The following SNX29 variants were observed in gnomAD, a reference collection of about 807,000 sequenced individuals.
The protein encoded by SNX29 is sorting nexin-29.
SNX29 carries 78 observed loss-of-function variants against 102.1 expected under a neutral mutation model. The ratio of observed to expected loss-of-function variants is 0.76; its 90% CI spans 0.64 to 0.92. The LOEUF (loss-of-function observed/expected upper bound fraction) is 0.92. Ranked by LOEUF, SNX29 falls within the 40% of genes least tolerant of loss-of-function variation. SNX29 has a pLI of 0.00. For synonymous variants in SNX29, 580 were observed against 414.5 expected (o/e 1.40, Z -4.85); for missense variants, 1,280 against 1,061.7 (o/e 1.21, Z -2.86).
At chr16:12,139,980 CAAAAAA>C (rs59169166) in intron 13 of SNX29, among the ~76,000 whole-genome samples, 2 of 88,548 alleles carry the variant, frequency 2.3e-5, no homozygotes, top group Non-Finnish European at 4.5e-5. Context: ...TACCCTGTCT[CAAAAAA>C]AAAAAAAAAA....
At chr16:12,322,764 C>T (rs190557054) in intron 15 of SNX29, among the ~76,000 whole-genome samples, 1 of 151,084 alleles carries the variant, frequency 6.6e-6, no homozygotes, top group Admixed American at 6.6e-5. Flanking sequence ...ACTGGGGGAC[C>T]ACCGTCAGGA....
At chr16:12,551,978 C>G (rs556785713) in intron 20 of SNX29, among the ~76,000 whole-genome samples, 3 of 152,290 alleles carry the variant, frequency 2.0e-5, no homozygotes, top group Non-Finnish European at 2.9e-5. Context: ...CAACACAGTG[C>G]CATGTCAAAG....
intron 18 of SNX29, chr16:12,442,907 C>CT (rs993020881): frequency 3.3e-5 from 14 of 423,038 alleles, no homozygotes; most frequent in African/African-American, 8.3e-5. Context: ...TCAAAAAAAA[C>CT]TTTTTTTTCT....
intron 18 of SNX29, among the ~76,000 whole-genome samples, chr16:12,433,349 G>C (rs1567557899): frequency 2.6e-5 from 4 of 152,136 alleles, no homozygotes; most frequent in African/African-American, 9.7e-5. Context: ...TGTAACGATT[G>C]GCCGGGCGCA....
intron 18 of SNX29, among the ~76,000 whole-genome samples, chr16:12,404,086 G>A (rs571436953): frequency 1.3e-5 from 2 of 152,296 alleles, no homozygotes; most frequent in South Asian, 2.1e-4. Flanking sequence ...GACCACCACT[G>A]TCGCCAGGGT....
At chr16:12,484,653 C>A (rs567450601) in intron 19 of SNX29, among the ~76,000 whole-genome samples, 3 of 152,216 alleles carry the variant, frequency 2.0e-5, no homozygotes, top group Admixed American at 6.5e-5. Context: ...GGGGCCTTTG[C>A]ACCTGTCACA....
intron 19 of SNX29, among the ~76,000 whole-genome samples, chr16:12,522,841 C>G (rs1048001571): frequency 2.0e-5 from 3 of 152,220 alleles, no homozygotes; most frequent in South Asian, 2.1e-4. Flanking sequence ...TAGTCAGGGT[C>G]TAACTGTCTC....
At chr16:12,108,020 TAAG>T (rs1413448473) in intron 11 of SNX29, among the ~76,000 whole-genome samples, 2 of 151,718 alleles carry the variant, frequency 1.3e-5, no homozygotes, top group East Asian at 1.9e-4. Context: ...GCTAGAAAAA[TAAG>T]GAGGGGAAAG....
At chr16:12,109,932 C>T (rs350254) in intron 11 of SNX29, among the ~76,000 whole-genome samples, 102,757 of 151,956 alleles carry the variant, frequency 0.68, 35,829 homozygotes, top group East Asian at 0.91. Context: ...AGTTTCACCA[C>T]GTTGGCCAGG....
At chr16:12,237,400 G>T (rs778733149) in intron 14 of SNX29, among the ~76,000 whole-genome samples, 1 of 152,178 alleles carries the variant, frequency 6.6e-6, no homozygotes, top group Non-Finnish European at 1.5e-5. Flanking sequence ...TGCAATTAAG[G>T]ACATTTCACG....
chr16:12,402,753 A>G (rs1346830805), intron 17 of SNX29, among the ~76,000 whole-genome samples: 2 of 152,222 alleles, frequency 1.3e-5, no homozygotes, highest in Non-Finnish European at 2.9e-5. Context: ...GGTGCTCAGT[A>G]AATTATTTTG....
At chr16:12,163,369 CT>C (rs1383619789) in intron 13 of SNX29, among the ~76,000 whole-genome samples, 1 of 152,024 alleles carries the variant, frequency 6.6e-6, no homozygotes, top group Non-Finnish European at 1.5e-5. Flanking sequence ...TTACGAGAAG[CT>C]TGAGAGGGCC....
chr16:12,108,366 C>T (rs1041697774), intron 11 of SNX29, among the ~76,000 whole-genome samples: 2 of 152,190 alleles, frequency 1.3e-5, no homozygotes, highest in African/African-American at 2.4e-5. Context: ...TGGTGAGTGG[C>T]TTCCATGAGA....
At chr16:12,559,226 C>T (rs918039606) in intron 20 of SNX29, among the ~76,000 whole-genome samples, 11 of 152,028 alleles carry the variant, frequency 7.2e-5, no homozygotes, top group African/African-American at 1.9e-4. Context: ...TATTTACAGC[C>T]ACTCCCCATC....
intron 1 of SNX29, among the ~76,000 whole-genome samples, chr16:11,997,797 T>C (rs919938558): frequency 6.6e-6 from 1 of 152,118 alleles, no homozygotes; most frequent in African/African-American, 2.4e-5. Context: ...GGATTTTAGC[T>C]CCATGAGAAG....
At chr16:12,077,599 T>C (rs534513345) in intron 10 of SNX29, among the ~76,000 whole-genome samples, 22 of 152,270 alleles carry the variant, frequency 1.4e-4, no homozygotes, top group Non-Finnish European at 2.9e-4. Flanking sequence ...AAGTACATGG[T>C]TAAGTTGCTT....
At chr16:12,476,188 G>T (rs1296340050) in intron 18 of SNX29, among the ~76,000 whole-genome samples, 1 of 149,346 alleles carries the variant, frequency 6.7e-6, no homozygotes, top group Non-Finnish European at 1.5e-5. Flanking sequence ...CAGGTGTGGT[G>T]GTGGGCATCT....
intron 14 of SNX29, among the ~76,000 whole-genome samples, chr16:12,226,212 T>C (rs2077607545): frequency 6.6e-6 from 1 of 152,178 alleles, no homozygotes; most frequent in African/African-American, 2.4e-5. Flanking sequence ...AGGTGCAGAA[T>C]AAATCGAATT....
intron 18 of SNX29, among the ~76,000 whole-genome samples, chr16:12,441,992 C>G (rs893951485): frequency 1.3e-5 from 2 of 152,094 alleles, no homozygotes; most frequent in Non-Finnish European, 2.9e-5. Context: ...GTTGGCCAGG[C>G]TGGTCTTGAA....
Sources: allele counts gnomAD v4.1 joint callset (sites outside exome capture counted in the v4.1 genomes callset), GRCh38; gene constraint gnomAD v4.1.1; transcripts MANE v1.5; gene names NCBI Gene and HGNC (gene_info 2026-07-23, HGNC 2026-07-21).